Variants in ACOXL observed in about 807,000 individuals in gnomAD.
ACOXL encodes the protein acyl-CoA oxidase like, also known as acyl-coenzyme A oxidase-like protein.
ACOXL carries 70 observed loss-of-function variants against 71.9 expected under a neutral mutation model. That is an observed-to-expected ratio of 0.97 (90% confidence interval 0.80 to 1.19). The LOEUF is 1.19. Among genes scored for constraint, ACOXL ranks in the 50% most tolerant of loss-of-function variants. The probability of loss-of-function intolerance (pLI) is 0.00; values close to 1 mark genes in which losing one functional copy is unlikely to be tolerated. For synonymous variants in ACOXL, 253 were observed against 281.6 expected (o/e 0.90, Z 1.02); for missense variants, 703 against 736.3 (o/e 0.95, Z 0.52).
Position 110,987,187 on chromosome 2 carries a change from C to T in ACOXL, c.1139C>T (p.Ala380Val), listed in dbSNP as rs2062971252. ...KPLFGLLQNW[A>V]ESVGDKLRTS... ...CTCTTTGGCCTGCTCCAAAACTGGG[C>T]TGAATCTGTGGGGGACAAGCTGAGA... The change falls in exon 13 of 18, where the codon GCT (alanine) becomes GTT (valine). Residue 380 changes from alanine (A) to valine (V), a missense_variant. Transcript: ENST00000439055. The T allele has an allele frequency of 6.3e-7, 1 of 1,577,604 alleles. No individual in the cohort carries two copies. Among genetic ancestry groups the T allele is most frequent in the Non-Finnish European group, 8.6e-7 (1 of 1,158,630 alleles).
chr2:111,053,443 C>G (rs2066393901), intron 16 of ACOXL, among the ~76,000 whole-genome samples: 3 of 152,314 alleles, frequency 2.0e-5, no homozygotes, highest in Admixed American at 2.0e-4. Flanking sequence ...TAGTCCATGA[C>G]TGTCCCAGGC....
chr2:111,104,303 A>T (rs746545925), intron 17 of ACOXL, among the ~76,000 whole-genome samples: 2 of 152,196 alleles, frequency 1.3e-5, no homozygotes, highest in Non-Finnish European at 2.9e-5. Context: ...TCATTTTCCC[A>T]TACAGGATTT....
At chr2:110,933,691 C>A in intron 12 of ACOXL, 49 bp downstream of exon 12, 1 of 1,561,984 alleles carries the variant, frequency 6.4e-7, no homozygotes, top group Non-Finnish European at 8.7e-7. Flanking sequence ...ATACAACCCA[C>A]ACTGGGGGAG....
rs753260925 is a variant in ACOXL, at chr2:110,805,356, G to A, written c.714G>A (p.Ser238=). 73 of 1,614,114 alleles carry A rather than the reference G, an allele frequency of 4.5e-5. No individual in the cohort carries two copies. The highest frequency in any genetic ancestry group is 5.9e-5 in the Non-Finnish European group (70 of 1,180,042). The part of the protein sequence containing the change: ...FNAMLAALTP[S]RLAVAFQAMG... ...CCATGCTGGCAGCACTGACCCCTTC[G>A]AGATTAGCTGTGGCTTTCCAAGCTA... Residue 238 remains serine, a synonymous_variant, in exon 9 of 18, where the codon TCG becomes TCA. Transcript: ENST00000439055.
intron 17 of ACOXL, among the ~76,000 whole-genome samples, chr2:111,108,220 A>G (rs1312861075): frequency 8.5e-5 from 13 of 152,148 alleles, no homozygotes; most frequent in Admixed American, 3.3e-4. Flanking sequence ...TAAAATAATA[A>G]TCATAGACAG....
At chr2:110,977,793 G>A (rs531617428) in intron 12 of ACOXL, among the ~76,000 whole-genome samples, 3 of 152,202 alleles carry the variant, frequency 2.0e-5, no homozygotes, top group South Asian at 4.1e-4. Context: ...TTCAAATTGG[G>A]GACTATGAGT....
intron 1 of ACOXL, among the ~76,000 whole-genome samples, chr2:110,764,722 T>G (rs1017805055): frequency 1.3e-5 from 2 of 152,174 alleles, no homozygotes; most frequent in East Asian, 3.8e-4. Flanking sequence ...ATTTTGATAG[T>G]GAGGGAGGCT....
intron 15 of ACOXL, among the ~76,000 whole-genome samples, chr2:111,038,618 T>C (rs17549227): frequency 0.18 from 27,007 of 152,198 alleles, 2,589 homozygotes; most frequent in Middle Eastern, 0.23. Flanking sequence ...TATACTGTAT[T>C]TGTGAGTTTT....
chr2:110,804,480 C>G (rs140938868), intron 8 of ACOXL, among the ~76,000 whole-genome samples: 1 of 152,128 alleles, frequency 6.6e-6, no homozygotes, highest in Non-Finnish European at 1.5e-5. Context: ...TGTGTGAAAA[C>G]GTTGTCTACA....
chr2:110,768,513 T>TGTGTGAGTGAGAGAGA, intron 2 of ACOXL, 49 bp downstream of exon 2: 1 of 928,524 alleles, frequency 1.1e-6, no homozygotes, highest in Non-Finnish European at 1.6e-6. Context: ...TGTGTGTGTG[T>TGTGTGAGTGAGAGAGA]GAGAGAGAGA....
intron 9 of ACOXL, among the ~76,000 whole-genome samples, chr2:110,819,206 G>A (rs1393985846): frequency 1.3e-5 from 2 of 152,210 alleles, no homozygotes; most frequent in Non-Finnish European, 2.9e-5. Flanking sequence ...AAAGCAGCTG[G>A]GAAGGTGGTT....
chr2:110,960,534 C>T (rs1225107409), intron 12 of ACOXL, among the ~76,000 whole-genome samples: 2 of 152,206 alleles, frequency 1.3e-5, no homozygotes, highest in Admixed American at 6.5e-5. Flanking sequence ...ATTTCCTCCC[C>T]GACCTATCCC....
Position 110,875,913 on chromosome 2 carries a change from G to A in ACOXL, c.789-32876G>A, listed in dbSNP as rs1006599902. Among the ~76,000 whole-genome samples, 4 of 152,204 alleles carry A rather than the reference G, an allele frequency of 2.6e-5. No individual in the cohort carries two copies. In the East Asian group the frequency reaches 7.7e-4, roughly 29 times the overall value. ...TGAGTCCCTGGCTCAAGGACATGCA[G>A]GAAAGAAACAGTAGAACCACTTCTG... On this transcript the variant is annotated intron_variant, in intron 10 of 17. Coordinates refer to ENST00000439055, the MANE Select transcript of ACOXL (RefSeq NM_001142807.4).
At chr2:111,111,953 T>C (rs866578560) in intron 17 of ACOXL, among the ~76,000 whole-genome samples, 2 of 152,206 alleles carry the variant, frequency 1.3e-5, no homozygotes, top group African/African-American at 4.8e-5. Flanking sequence ...AACAGCCAAA[T>C]TGTGTACTCT....
chr2:110,967,670 T>G (rs903680670), intron 12 of ACOXL, among the ~76,000 whole-genome samples: 2 of 152,106 alleles, frequency 1.3e-5, no homozygotes, highest in Non-Finnish European at 2.9e-5. Flanking sequence ...AAAGGAGAAA[T>G]AGACAAATCA....
intron 10 of ACOXL, among the ~76,000 whole-genome samples, chr2:110,879,054 TAAAA>T (rs201244854): frequency 1.2e-4 from 16 of 136,878 alleles, no homozygotes; most frequent in Non-Finnish European, 2.2e-4. Flanking sequence ...GAGGCTCCGT[TAAAA>T]AAAAAAAAAA....
intron 1 of ACOXL, among the ~76,000 whole-genome samples, chr2:110,767,523 T>A (rs996098275): frequency 2.0e-5 from 3 of 152,178 alleles, no homozygotes; most frequent in African/African-American, 7.2e-5. Flanking sequence ...CTCTAGAACC[T>A]TGTGAGGCTC....
intron 10 of ACOXL, among the ~76,000 whole-genome samples, chr2:110,864,903 G>A (rs1196199704): frequency 6.6e-6 from 1 of 152,206 alleles, no homozygotes; most frequent in African/African-American, 2.4e-5. Context: ...TGGCCAGCCA[G>A]CCTCACTGTG....
intron 16 of ACOXL, among the ~76,000 whole-genome samples, chr2:111,069,212 C>T (rs372641293): frequency 1.4e-5 from 2 of 148,072 alleles, no homozygotes; most frequent in African/African-American, 2.5e-5. Flanking sequence ...ATTGCAGTGG[C>T]GGGATCTTGA....
Sources: allele counts gnomAD v4.1 joint callset (sites outside exome capture counted in the v4.1 genomes callset), GRCh38; gene constraint gnomAD v4.1.1; transcripts MANE v1.5; gene names NCBI Gene and HGNC (gene_info 2026-07-23, HGNC 2026-07-21).